NCK2: variants seen among roughly 807,000 people sequenced by gnomAD.
NCK2 encodes the protein NCK adaptor protein 2.
NCK2 carries 16 observed loss-of-function variants against 33.9 expected under a neutral mutation model. The ratio of observed to expected loss-of-function variants is 0.47; its 90% confidence interval spans 0.32 to 0.72. NCK2 has a LOEUF of 0.72. Ranked by LOEUF, NCK2 falls within the 30% of genes least tolerant of loss-of-function variation. The pLI, the probability that NCK2 is intolerant of heterozygous loss-of-function variation, is 0.03. For synonymous variants in NCK2, 273 were observed against 239.9 expected, an observed-to-expected ratio of 1.14 and a Z score of -1.27; for missense variants, 418 against 537.3, an observed-to-expected ratio of 0.78 and a Z score of 2.19.
chr2:105,838,478 G>A (rs1032198836), intron 2 of NCK2, among the ~76,000 whole-genome samples: 3 of 152,046 alleles, frequency 2.0e-5, no homozygotes, highest in African/African-American at 7.2e-5. Context: ...GAATATTTAT[G>A]TATACTCCCT....
intron 2 of NCK2, among the ~76,000 whole-genome samples, chr2:105,837,165 G>T (rs1002648138): frequency 1.3e-5 from 2 of 152,120 alleles, no homozygotes; most frequent in Non-Finnish European, 2.9e-5. Flanking sequence ...TTCTCCCTTG[G>T]ACATTTTACT....
chr2:105,814,648 C>T (rs372642089), intron 1 of NCK2, among the ~76,000 whole-genome samples: 5 of 152,274 alleles, frequency 3.3e-5, no homozygotes, highest in African/African-American at 1.2e-4. Context: ...CCCACTCATC[C>T]GGAGTCCAAG....
Position 105,769,653 on chromosome 2 carries a change from TAG to T in NCK2, c.-201+24518_-201+24519del, listed in dbSNP as rs903811625. ...CCTCTGGAGGGAACCATGGGGTAATTAGAGTCATTGGCCAAGAAGGGCCAGGG... is the reference window on the plus strand; with the variant it reads ...CCTCTGGAGGGAACCATGGGGTAATTAGTCATTGGCCAAGAAGGGCCAGGG... On this transcript the variant is annotated intron_variant, in intron 1 of 4. Transcript: ENST00000233154. Among the ~76,000 whole-genome samples the T allele has an allele frequency of 1.6e-3, 238 of 152,094 alleles. 3 individuals are homozygous for T. The highest frequency in any genetic ancestry group is 5.6e-3 in the African/African-American group (231 of 41,482).
intron 1 of NCK2, among the ~76,000 whole-genome samples, chr2:105,746,669 A>C (rs1039983072): frequency 2.0e-5 from 3 of 152,232 alleles, no homozygotes; most frequent in African/African-American, 7.2e-5. Context: ...AGATTGGGCT[A>C]GACATGGAGG....
rs373413217 is a variant in NCK2 at position 105,881,654 on chromosome 2, G to A, written c.553G>A (p.Gly185Ser). ...ESPSFLSLRK[G>S]ASLSNGQGSR... ...CCCAAGCTTCCTGAGCCTGCGCAAGGGCGCCTCGCTGAGCAATGGCCAGGG... is the reference window on the plus strand; with the variant it reads ...CCCAAGCTTCCTGAGCCTGCGCAAGAGCGCCTCGCTGAGCAATGGCCAGGG... Residue 185 changes from glycine (G) to serine (S), a missense_variant, in exon 4 of 5, where the codon GGC (glycine) becomes AGC (serine). Gly to Ser is a moderately conservative substitution (Grantham distance 56, BLOSUM62 0). Coordinates refer to ENST00000233154, the MANE Select transcript of NCK2 (RefSeq NM_003581.5). The A allele has an allele frequency of 1.2e-6, 2 of 1,613,274 alleles. No individual in the cohort carries two copies. Among genetic ancestry groups the A allele is most frequent in the African/African-American group, 1.3e-5 (1 of 75,058 alleles).
intron 1 of NCK2, among the ~76,000 whole-genome samples, chr2:105,792,060 T>G (rs1690904331): frequency 6.6e-6 from 1 of 152,122 alleles, no homozygotes; most frequent in Non-Finnish European, 1.5e-5. Flanking sequence ...TGGGAACGCT[T>G]CCCCAGTCCT....
chr2:105,761,175 T>A (rs1335344843), intron 1 of NCK2, among the ~76,000 whole-genome samples: 3 of 152,206 alleles, frequency 2.0e-5, no homozygotes, highest in African/African-American at 7.2e-5. Flanking sequence ...GCAGCAGGGT[T>A]GTGCCCTACC....
intron 1 of NCK2, among the ~76,000 whole-genome samples, chr2:105,811,875 A>G (rs1366105651): frequency 1.3e-5 from 2 of 151,980 alleles, no homozygotes; most frequent in East Asian, 1.9e-4. Context: ...ACTGCTTGCT[A>G]TTTCCTTCTT....
intron 2 of NCK2, among the ~76,000 whole-genome samples, chr2:105,835,448 A>T (rs541642809): frequency 8.5e-5 from 3 of 35,176 alleles, no homozygotes; most frequent in African/African-American, 2.6e-4. Flanking sequence ...AGCATTTTGA[A>T]TATATCATAG....
intron 1 of NCK2, among the ~76,000 whole-genome samples, chr2:105,777,891 A>G (rs1327756113): frequency 6.6e-6 from 1 of 152,242 alleles, no homozygotes; most frequent in Non-Finnish European, 1.5e-5. Context: ...GACAGCTCAC[A>G]GGATTCCAGC....
intron 1 of NCK2, among the ~76,000 whole-genome samples, chr2:105,796,592 G>C (rs1691089601): frequency 6.6e-6 from 1 of 152,170 alleles, no homozygotes; most frequent in South Asian, 2.1e-4. Context: ...CTGAGCCTGG[G>C]AGCTGGAAGG....
At position 105,881,333 on chromosome 2, in the gene NCK2, G is replaced by C; in HGVS notation, c.232G>C (p.Gly78Arg). 2 of 1,590,886 alleles carry C rather than the reference G, an allele frequency of 1.3e-6. No individual in the cohort carries two copies. The highest frequency in any genetic ancestry group is 1.7e-6 in the Non-Finnish European group (2 of 1,171,926). Residue 78 changes from glycine (G) to arginine (R), a missense_variant, in exon 4 of 5, where the codon GGC becomes CGC. By Grantham distance (125) the Gly-to-Arg change is moderately radical. Transcript: ENST00000233154. ...GCCTTGCTGTGTCTCCACAGGCCTC[G>C]GCAAGACGCGCAGGAAGACCAGCGC... is the stretch of plus-strand genomic sequence containing the variant. ...VKNLKDTLGLGKTRRKTSARD... is the reference protein window; with the variant it reads ...VKNLKDTLGLRKTRRKTSARD...
chr2:105,751,501 G>A (rs1573550577), intron 1 of NCK2, among the ~76,000 whole-genome samples: 1 of 152,160 alleles, frequency 6.6e-6, no homozygotes, highest in Admixed American at 6.5e-5. Context: ...GCACGACTGG[G>A]CTGCCTCTCT....
intron 3 of NCK2, among the ~76,000 whole-genome samples, chr2:105,879,285 G>A (rs956504532): frequency 2.0e-5 from 3 of 152,256 alleles, no homozygotes; most frequent in African/African-American, 7.2e-5. Flanking sequence ...CTTGCTAGCT[G>A]TTTTGATAAG....
intron 1 of NCK2, among the ~76,000 whole-genome samples, chr2:105,750,069 A>AAAAC (rs1558820049): frequency 1.8e-5 from 1 of 56,648 alleles, no homozygotes; most frequent in Non-Finnish European, 4.4e-5. Flanking sequence ...CACACACACA[A>AAAAC]AACAACAACA....
intron 2 of NCK2, among the ~76,000 whole-genome samples, chr2:105,817,774 A>T (rs1298602436): frequency 6.6e-6 from 1 of 152,140 alleles, no homozygotes; most frequent in African/African-American, 2.4e-5. Flanking sequence ...AAAAGTCAGG[A>T]AACAACAGGT....
At chr2:105,796,345 T>G (rs978787035) in intron 1 of NCK2, among the ~76,000 whole-genome samples, 3 of 152,244 alleles carry the variant, frequency 2.0e-5, no homozygotes, top group Admixed American at 6.5e-5. Context: ...CAGTTTATCT[T>G]ATCTCTGTAC....
At chr2:105,883,684 G>A (rs889440938) in intron 4 of NCK2, among the ~76,000 whole-genome samples, 10 of 152,152 alleles carry the variant, frequency 6.6e-5, no homozygotes, top group African/African-American at 2.4e-4. Context: ...GATAAGGAGG[G>A]ATGCATGCAT....
rs1265238795 is a variant in NCK2, at chr2:105,894,217, C to T, written c.*1041C>T. The T allele has an allele frequency of 2.0e-5, 3 of 152,448 alleles. No individual in the cohort carries two copies. Among genetic ancestry groups the T allele is most frequent in the Non-Finnish European group, 2.9e-5 (2 of 68,016 alleles). The allele number at this position is 152,448 out of a possible 1,614,324, so 9.4% of individuals were successfully genotyped here. Reference sequence around the variant, plus strand: ...ATTGAAGAAGGGGTCTTGAGATCCCCTAAACTTGCATACCCAGTTTTTTGG... The same window carrying T: ...ATTGAAGAAGGGGTCTTGAGATCCCTTAAACTTGCATACCCAGTTTTTTGG... On this transcript the variant is annotated 3_prime_UTR_variant, in exon 5 of 5. Coordinates refer to ENST00000233154, the MANE Select transcript of NCK2 (RefSeq NM_003581.5).
Sources: gnomAD v4.1 joint callset for allele counts (sites outside exome capture counted in the v4.1 genomes callset) on GRCh38, gnomAD v4.1.1 for gene constraint, MANE v1.5 for transcripts, NCBI Gene and HGNC (gene_info 2026-07-23, HGNC 2026-07-21) for gene names.